The following KLHDC4 variants were observed in gnomAD, a reference collection of about 807,000 sequenced individuals.
KLHDC4 encodes kelch domain containing 4, also known as kelch domain-containing protein 4.
KLHDC4 carries 90 observed loss-of-function variants against 62.4 expected under a neutral mutation model. The observed-to-expected ratio is 1.44, with a 90% CI of 1.22 to 1.72. The LOEUF (loss-of-function observed/expected upper bound fraction) is 1.72, where lower values mean the gene tolerates loss of function less well. Ranked by LOEUF, KLHDC4 falls within the 40% of genes most tolerant of loss-of-function variation. KLHDC4 has a pLI of 0.00. For missense variants in KLHDC4, 1,025 were observed against 699.7 expected, an observed-to-expected ratio of 1.47 and a Z score of -5.25; for synonymous variants, 386 against 284.4, an observed-to-expected ratio of 1.36 and a Z score of -3.59.
intron 7 of KLHDC4, among the ~76,000 whole-genome samples, chr16:87,723,574 G>C (rs2038827994): frequency 6.6e-6 from 1 of 152,222 alleles, no homozygotes; most frequent in Non-Finnish European, 1.5e-5. Flanking sequence ...AGAATATCTA[G>C]ACAAGCCTGA....
intron 5 of KLHDC4, among the ~76,000 whole-genome samples, chr16:87,734,610 T>C (rs1436427545): frequency 1.3e-5 from 2 of 152,090 alleles, no homozygotes; most frequent in Admixed American, 6.5e-5. Flanking sequence ...CACCCCTCCA[T>C]GGAATGTCAA....
intron 4 of KLHDC4, among the ~76,000 whole-genome samples, chr16:87,749,771 C>T (rs980372842): frequency 3.3e-5 from 5 of 151,994 alleles, no homozygotes; most frequent in East Asian, 1.9e-4. Flanking sequence ...GCAGCAATGG[C>T]GTCTACGCTG....
rs748572734 is a variant in KLHDC4 at position 87,765,807 on chromosome 16, G to C, written c.84C>G (p.Arg28=). The change falls in exon 1 of 12, where the codon CGC becomes CGG. Residue 28 remains arginine, a synonymous_variant. Transcript: ENST00000270583. ...AAKMEKKVSK[R]SRKEEEDLEA... ...ACCCGCTCACCTCCTCCTTCCGCGA[G>C]CGCTTAGACACCTTCTTCTCCATCT... 1.3e-6 allele frequency: 2 copies of C among 1,570,298 alleles called. No homozygotes were observed. Among genetic ancestry groups the C allele is most frequent in the Non-Finnish European group, 8.6e-7 (1 of 1,157,426 alleles).
chr16:87,759,414 G>A (rs758340099), intron 2 of KLHDC4, among the ~76,000 whole-genome samples: 2 of 148,972 alleles, frequency 1.3e-5, no homozygotes, highest in African/African-American at 2.5e-5. Context: ...GCAAAACTCC[G>A]TCTCAGAAAA....
intron 2 of KLHDC4, chr16:87,757,606 T>C (rs1238051329): frequency 6.6e-6 from 1 of 152,094 alleles, no homozygotes; most frequent in African/African-American, 2.4e-5. Flanking sequence ...AATAATATTA[T>C]GGGCCAGGCC....
Position 87,765,689 on chromosome 16 carries a change from G to A in KLHDC4, c.99+103C>T, listed in dbSNP as rs1160785951. On this transcript the variant is annotated intron_variant, in intron 1 of 11. Transcript: ENST00000270583. ...GGCCTCCAGCTCTCCCGCAGGGCCGGCGCGGCTCCCACGGCCGACCCGTAA... is the reference window on the plus strand; with the variant it reads ...GGCCTCCAGCTCTCCCGCAGGGCCGACGCGGCTCCCACGGCCGACCCGTAA... 1.3e-5 allele frequency: 15 copies of A among 1,136,942 alleles called. No homozygotes were observed. The East Asian group carries it at 4.0e-4, about 30-fold the overall frequency. The allele number at this position is 1,136,942 out of a possible 1,614,324, so 70.4% of individuals were successfully genotyped here. A position where few individuals can be genotyped will look rare whatever the true frequency, so the allele number is the denominator to read the frequency against.
At chr16:87,703,712 C>T (rs1028179879), downstream of KLHDC4, among the ~76,000 whole-genome samples, 4 of 152,166 alleles carry the variant, frequency 2.6e-5, no homozygotes, top group Non-Finnish European at 5.9e-5. Flanking sequence ...GGAAAACGGG[C>T]GTGAGCTGGA....
chr16:87,703,607 C>A (rs992984247), downstream of KLHDC4, among the ~76,000 whole-genome samples: 1 of 152,252 alleles, frequency 6.6e-6, no homozygotes, highest in Non-Finnish European at 1.5e-5. Context: ...GCGCTTCTCA[C>A]CCCTCAGTGA....
intron 4 of KLHDC4, among the ~76,000 whole-genome samples, chr16:87,751,557 T>C (rs61367892): frequency 0.025 from 3,780 of 151,970 alleles, 168 homozygotes; most frequent in African/African-American, 0.087. Flanking sequence ...GAATAGACAA[T>C]GGACTTGCCT....
At chr16:87,736,951 C>T (rs963996900) in intron 5 of KLHDC4, among the ~76,000 whole-genome samples, 1 of 151,234 alleles carries the variant, frequency 6.6e-6, no homozygotes, top group African/African-American at 2.4e-5. Flanking sequence ...ATGGTAAAAC[C>T]CTGCCTCTTA....
intron 5 of KLHDC4, among the ~76,000 whole-genome samples, chr16:87,746,028 C>A (rs1362767744): frequency 6.6e-6 from 1 of 152,018 alleles, no homozygotes; most frequent in Admixed American, 6.6e-5. Flanking sequence ...ACTCAGGAAG[C>A]TGAAGTGGGA....
At chr16:87,723,088 G>A (rs1017411017) in intron 7 of KLHDC4, among the ~76,000 whole-genome samples, 3 of 152,304 alleles carry the variant, frequency 2.0e-5, no homozygotes, top group Non-Finnish European at 2.9e-5. Flanking sequence ...GAGCAAGGAC[G>A]AGCTTCCCCC....
At chr16:87,712,175 G>A (rs928214889) in intron 8 of KLHDC4, among the ~76,000 whole-genome samples, 4 of 152,192 alleles carry the variant, frequency 2.6e-5, no homozygotes, top group African/African-American at 7.2e-5. Context: ...CTCTTGGCAC[G>A]CGCCTATGTG....
At chr16:87,760,569 T>C (rs571647220) in intron 2 of KLHDC4, among the ~76,000 whole-genome samples, 31 of 138,912 alleles carry the variant, frequency 2.2e-4, no homozygotes, top group African/African-American at 8.2e-4. Context: ...ATGGCGCCAC[T>C]GTACTCCAGC....
chr16:87,765,974 G>A lies in KLHDC4; in HGVS notation c.-84C>T. On this transcript the variant is annotated 5_prime_UTR_variant, in exon 1 of 12. Coordinates refer to ENST00000270583, the MANE Select transcript of KLHDC4 (RefSeq NM_017566.4). Reference sequence around the variant, plus strand: ...CTCGGAAACAGGTGCTCGTGGGGCGGAGCTCGGCGCACAGAAATGGAGTCA... The same window carrying A: ...CTCGGAAACAGGTGCTCGTGGGGCGAAGCTCGGCGCACAGAAATGGAGTCA... 2 of 1,361,128 alleles carry A rather than the reference G, an allele frequency of 1.5e-6. No homozygotes were observed. Among genetic ancestry groups the A allele is most frequent in the Non-Finnish European group, 1.0e-6 (1 of 984,722 alleles). 84.3% of individuals were successfully genotyped at this position (1,361,128 alleles called of 1,614,324 possible).
intron 2 of KLHDC4, among the ~76,000 whole-genome samples, chr16:87,760,427 G>A (rs963822925): frequency 4.6e-5 from 7 of 150,962 alleles, no homozygotes; most frequent in Admixed American, 2.6e-4. Context: ...CCAACATGGT[G>A]AAACCCCGTC....
At chr16:87,738,515 C>G (rs1178602707) in intron 5 of KLHDC4, among the ~76,000 whole-genome samples, 1 of 152,154 alleles carries the variant, frequency 6.6e-6, no homozygotes. Context: ...AAGTGCCCAA[C>G]AGAAAACCAA....
intron 8 of KLHDC4, 33 bp downstream of exon 8, chr16:87,714,465 C>T: frequency 1.2e-6 from 2 of 1,612,792 alleles, no homozygotes; most frequent in Non-Finnish European, 1.7e-6. Context: ...CACAGACCAG[C>T]CAGCTCCCGC....
At chr16:87,731,772 C>G (rs2040417577) in intron 5 of KLHDC4, among the ~76,000 whole-genome samples, 2 of 152,226 alleles carry the variant, frequency 1.3e-5, no homozygotes, top group African/African-American at 4.8e-5. Context: ...TATACACGCT[C>G]TTGTGTCACC....
Sources: gnomAD v4.1 joint callset for allele counts (sites outside exome capture counted in the v4.1 genomes callset) on GRCh38, gnomAD v4.1.1 for gene constraint, MANE v1.5 for transcripts, NCBI Gene and HGNC (gene_info 2026-07-23, HGNC 2026-07-21) for gene names.